SP100: variants seen among roughly 807,000 people sequenced by gnomAD.
SP100 encodes the protein SP100 nuclear body protein, also known as nuclear autoantigen Sp-100.
In SP100, 84 loss-of-function variants were observed where a neutral mutation model predicts 130.0. The observed-to-expected ratio is 0.65, with a 90% CI of 0.54 to 0.77. The LOEUF (loss-of-function observed/expected upper bound fraction) is 0.77. SP100 is among the 30% of genes least tolerant of loss of function. The pLI, the probability that SP100 is intolerant of heterozygous loss-of-function variation, is 0.00. For synonymous variants in SP100, 331 were observed against 351.7 expected (o/e 0.94, Z 0.66); for missense variants, 978 against 1,052.2 (o/e 0.93, Z 0.97).
At chr2:230,530,764 A>G (rs893422768) in intron 24 of SP100, among the ~76,000 whole-genome samples, 1 of 152,254 alleles carries the variant, frequency 6.6e-6, no homozygotes, top group Non-Finnish European at 1.5e-5. Flanking sequence ...GGCAAAGGAT[A>G]TGAACAGACA....
chr2:230,441,887 C>G (rs2063483579), intron 2 of SP100, among the ~76,000 whole-genome samples: 1 of 152,168 alleles, frequency 6.6e-6, no homozygotes, highest in South Asian at 2.1e-4. Flanking sequence ...AAGCATCCAT[C>G]CCCTATCTGC....
At chr2:230,485,092 ATATTTTATTTTATTT>A (rs142188341) in intron 17 of SP100, among the ~76,000 whole-genome samples, 39 of 150,892 alleles carry the variant, frequency 2.6e-4, no homozygotes, top group Non-Finnish European at 4.0e-4. Context: ...CCAGGTCCCA[ATATTTTATTTTATTT>A]TATTTTATTT....
chr2:230,533,118 T>C (rs1462362847), intron 24 of SP100, among the ~76,000 whole-genome samples: 1 of 152,192 alleles, frequency 6.6e-6, no homozygotes, highest in Non-Finnish European at 1.5e-5. Context: ...GAAATTACTG[T>C]GTGTGTGCTT....
intron 21 of SP100, among the ~76,000 whole-genome samples, chr2:230,505,453 A>G (rs1181009383): frequency 2.6e-5 from 4 of 152,232 alleles, no homozygotes; most frequent in Non-Finnish European, 1.5e-5. Flanking sequence ...TTCAAGTTTC[A>G]GCTATACCAA....
intron 24 of SP100, among the ~76,000 whole-genome samples, chr2:230,528,100 C>G (rs1162543828): frequency 6.6e-6 from 1 of 152,238 alleles, no homozygotes; most frequent in Admixed American, 6.5e-5. Flanking sequence ...CTACAGAACT[C>G]TACACCCCAA....
chr2:230,445,215 AT>A (rs905614770), intron 4 of SP100, among the ~76,000 whole-genome samples: 1 of 152,198 alleles, frequency 6.6e-6, no homozygotes, highest in East Asian at 1.9e-4. Context: ...ACGTCCTCCA[AT>A]TTTTTTTACT....
At chr2:230,443,232 G>A in intron 3 of SP100, 133 bp downstream of exon 3, 1 of 792,902 alleles carries the variant, frequency 1.3e-6, no homozygotes, top group South Asian at 1.8e-5. Flanking sequence ...ACTTTTTCAA[G>A]TGTTTCTGTA....
intron 24 of SP100, among the ~76,000 whole-genome samples, chr2:230,529,514 G>A (rs533028602): frequency 1.8e-4 from 28 of 152,208 alleles, no homozygotes; most frequent in East Asian, 5.8e-4. Flanking sequence ...TTTGAAAACC[G>A]GCACAAGACA....
At chr2:230,468,362 A>G (rs779566837) in intron 13 of SP100, among the ~76,000 whole-genome samples, 2 of 152,246 alleles carry the variant, frequency 1.3e-5, no homozygotes, top group Non-Finnish European at 2.9e-5. Context: ...GAAGAATCCC[A>G]TTCTCAAATA....
Position 230,539,385 on chromosome 2 carries a change from G to A in SP100, c.2210+3G>A, listed in dbSNP as rs1344511396. 6.2e-7 allele frequency: 1 copy of A among 1,601,646 alleles called. No homozygotes were observed. The highest frequency in any genetic ancestry group is 8.6e-7 in the Non-Finnish European group (1 of 1,168,946). ...ATCCCATCCGTGGAAGCTAACAAGT[G>A]AGTAAGACATGTCCCCTTCCCTGAG... On this transcript the variant is annotated splice_donor_region_variant and intron_variant, in intron 25 of 28. Transcript: ENST00000340126.
intron 2 of SP100, among the ~76,000 whole-genome samples, chr2:230,427,818 T>C (rs1290929142): frequency 2.0e-5 from 3 of 152,250 alleles, no homozygotes; most frequent in African/African-American, 7.2e-5. Context: ...TACAAAACTC[T>C]ACACTTTTAC....
chr2:230,466,436 A>T (rs2064963514), intron 12 of SP100, 82 bp downstream of exon 12: 1 of 805,722 alleles, frequency 1.2e-6, no homozygotes, highest in Admixed American at 2.0e-5. Context: ...TCTACAAAAG[A>T]GTCAGTCTAA....
At chr2:230,498,638 T>C (rs2066834929) in intron 19 of SP100, 103 bp downstream of exon 19, 2 of 556,708 alleles carry the variant, frequency 3.6e-6, no homozygotes, top group Admixed American at 4.4e-5. Flanking sequence ...GTACTTACTG[T>C]TGAGAAATAT....
intron 18 of SP100, among the ~76,000 whole-genome samples, chr2:230,495,517 G>A (rs1417963581): frequency 2.0e-5 from 3 of 151,912 alleles, no homozygotes; most frequent in Non-Finnish European, 4.4e-5. Context: ...ACAGGGTTTC[G>A]CCATGTTGGC....
chr2:230,492,710 C>T (rs1399053733), intron 17 of SP100, among the ~76,000 whole-genome samples: 1 of 152,126 alleles, frequency 6.6e-6, no homozygotes, highest in Non-Finnish European at 1.5e-5. Flanking sequence ...TGTCCTTTTG[C>T]CAGAATTTTT....
chr2:230,490,022 A>G (rs1179318091), intron 17 of SP100, among the ~76,000 whole-genome samples: 1 of 152,206 alleles, frequency 6.6e-6, no homozygotes, highest in Non-Finnish European at 1.5e-5. Context: ...GTAGATGTCT[A>G]TTAGGTCCAC....
At chr2:230,455,746 G>C (rs144656700) in intron 8 of SP100, among the ~76,000 whole-genome samples, 1 of 152,142 alleles carries the variant, frequency 6.6e-6, no homozygotes, top group Non-Finnish European at 1.5e-5. Context: ...ATTTTCTCTA[G>C]TGATACACTT....
intron 24 of SP100, among the ~76,000 whole-genome samples, chr2:230,529,080 G>A (rs970851148): frequency 1.3e-5 from 2 of 152,152 alleles, no homozygotes; most frequent in Non-Finnish European, 2.9e-5. Context: ...TATTTTATGA[G>A]GCTAGCATCA....
chr2:230,497,265 T>C (rs1197276233), intron 18 of SP100, among the ~76,000 whole-genome samples: 3 of 151,970 alleles, frequency 2.0e-5, no homozygotes, highest in Non-Finnish European at 4.4e-5. Context: ...TGGACTTTGA[T>C]GAAAGGTGAC....
Sources: allele counts gnomAD v4.1 joint callset (sites outside exome capture counted in the v4.1 genomes callset), GRCh38; gene constraint gnomAD v4.1.1; transcripts MANE v1.5; gene names NCBI Gene and HGNC (gene_info 2026-07-23, HGNC 2026-07-21).